The following C4orf50 variants were observed in gnomAD, a reference collection of about 807,000 sequenced individuals.
The protein encoded by C4orf50 is chromosome 4 open reading frame 50, also known as uncharacterized protein C4orf50.
Under a neutral mutation model 77.2 loss-of-function variants are expected in C4orf50, and 80 were observed. The observed-to-expected ratio is 1.04, with a 90% confidence interval of 0.87 to 1.25. The LOEUF is 1.25. Ranked by LOEUF, C4orf50 falls within the 50% of genes most tolerant of loss-of-function variation. The pLI is 0.00. For missense variants in C4orf50, 1,257 were observed against 1,152.9 expected, an observed-to-expected ratio of 1.09 and a Z score of -1.31; for synonymous variants, 532 against 465.3, an observed-to-expected ratio of 1.14 and a Z score of -1.84.
chr4:5,912,302 G>A (rs1048319481), intron 7 of C4orf50, among the ~76,000 whole-genome samples: 7 of 142,910 alleles, frequency 4.9e-5, no homozygotes, highest in African/African-American at 1.9e-4. Flanking sequence ...TGTATTTGGG[G>A]AAGACATACA....
At chr4:5,937,614 A>T (rs754803650) in intron 7 of C4orf50, among the ~76,000 whole-genome samples, 1 of 152,196 alleles carries the variant, frequency 6.6e-6, no homozygotes, top group African/African-American at 2.4e-5. Context: ...AATGGACTAA[A>T]CTTTCCATTT....
Position 5,970,015 on chromosome 4 carries a change from C to T in C4orf50, c.4105-2553G>A, listed in dbSNP as rs1008519925. On this transcript the variant is annotated intron_variant, in intron 31 of 33. Coordinates refer to ENST00000531445, the Ensembl canonical transcript of C4orf50. This position sits in a 1 kb window ranked among gnomAD's most constrained non-coding sequence, Gnocchi z 4.3. ...AGCCCCGGCAACCCTCTTCTCCTCTCCTTTGGTACCCGGGCCTCTGCCTCC... is the reference window on the plus strand; with the variant it reads ...AGCCCCGGCAACCCTCTTCTCCTCTTCTTTGGTACCCGGGCCTCTGCCTCC... Among the ~76,000 whole-genome samples the T allele has an allele frequency of 6.6e-6, 1 of 152,096 alleles. No homozygotes were observed. The highest frequency in any genetic ancestry group is 1.5e-5 in the Non-Finnish European group (1 of 68,024).
At chr4:6,004,289 GTGA>G (rs1560598970) in intron 25 of C4orf50, among the ~76,000 whole-genome samples, 58 of 54,464 alleles carry the variant, frequency 1.1e-3, no homozygotes, top group Admixed American at 1.4e-3. Context: ...GGTGATGTTG[GTGA>G]TGATGGTGAT....
rs776593106 is a variant in C4orf50 at position 5,919,188 on chromosome 4, G to T, written c.*2475-21000C>A. 9.2e-5 allele frequency among the ~76,000 whole-genome samples: 14 copies of T among 152,146 alleles called. No homozygotes were observed. The highest frequency in any genetic ancestry group is 2.1e-4 in the Non-Finnish European group (14 of 68,032). On this transcript the variant is annotated intron_variant, in intron 7 of 7. Transcript: ENST00000324058. The surrounding 1 kb of genome is among the most constrained non-coding windows in gnomAD (Gnocchi z 6.5). The stretch of plus-strand genomic sequence containing the variant: ...TCGCAGGACTCCTCTCTCATTCAGG[G>T]CCCCTGGCTGTGCCATTTCCGGAGC...
In C4orf50 at chr4:5,980,277, TGGAGCTGCTGGGCCCGCAGCCTG is replaced by T. The variant is rs763820101; in HGVS notation, c.3738_3760del (p.Arg1247SerfsTer36). Reference sequence around the variant, plus strand: ...GCACTGCAGGGTCAGCACCCGGTGATGGAGCTGCTGGGCCCGCAGCCTGGGATCCTCCTCAGTAACCTCGGCCT... The same window carrying T: ...GCACTGCAGGGTCAGCACCCGGTGATGGATCCTCCTCAGTAACCTCGGCCT... On this transcript the variant is annotated frameshift_variant, in exon 29 of 34. Coordinates refer to ENST00000531445, the Ensembl canonical transcript of C4orf50. LOFTEE classifies it high-confidence loss of function. The T allele has an allele frequency of 2.5e-6, 4 of 1,613,058 alleles. No individual in the cohort carries two copies. The highest frequency in any genetic ancestry group is 3.4e-6 in the Non-Finnish European group (4 of 1,179,600).
intron 7 of C4orf50, among the ~76,000 whole-genome samples, chr4:5,940,942 A>G (rs1169821275): frequency 6.6e-6 from 1 of 152,210 alleles, no homozygotes; most frequent in Non-Finnish European, 1.5e-5. Flanking sequence ...ATGGCCAGAC[A>G]CAAAGCCCTC....
chr4:5,906,520 A>G (rs1716557386), intron 7 of C4orf50, among the ~76,000 whole-genome samples: 1 of 152,132 alleles, frequency 6.6e-6, no homozygotes. Flanking sequence ...AGATTAATAA[A>G]CATATCTGAA....
rs187979602 is a variant in C4orf50, at chr4:6,006,936, C to T, written c.963+1060G>A. ...GGTACTGTTGTCACCTTTGGTGCTACAGGTAAAGTGGGAGAAGAGATGACT... is the reference window on the plus strand; with the variant it reads ...GGTACTGTTGTCACCTTTGGTGCTATAGGTAAAGTGGGAGAAGAGATGACT... On this transcript the variant is annotated intron_variant, in intron 25 of 33. Coordinates refer to ENST00000531445, the Ensembl canonical transcript of C4orf50. Among the ~76,000 whole-genome samples, 3 of 152,338 alleles carry T rather than the reference C, an allele frequency of 2.0e-5. No homozygotes were observed. The East Asian group carries it at 5.8e-4, about 29-fold the overall frequency.
chr4:5,980,450 T>C (rs1720520863), intron 28 of C4orf50, 112 bp from the exon 7 acceptor site: 4 of 946,660 alleles, frequency 4.2e-6, no homozygotes, highest in Non-Finnish European at 4.7e-6. Flanking sequence ...TTTGTTGTTG[T>C]TGTTTTCCTG....
intron 7 of C4orf50, among the ~76,000 whole-genome samples, chr4:5,938,939 T>C (rs1035283730): frequency 6.6e-6 from 1 of 152,188 alleles, no homozygotes; most frequent in African/African-American, 2.4e-5. Context: ...CTCTGCTTTT[T>C]TGATTTATGA....
At chr4:5,934,941 T>C (rs1485166096) in intron 7 of C4orf50, among the ~76,000 whole-genome samples, 2 of 152,294 alleles carry the variant, frequency 1.3e-5, no homozygotes, top group East Asian at 1.9e-4. Context: ...TCTGGCTGGG[T>C]GACCCCAAGC....
At chr4:6,001,721 G>A (rs879566494) in intron 25 of C4orf50, among the ~76,000 whole-genome samples, 5 of 152,236 alleles carry the variant, frequency 3.3e-5, no homozygotes, top group East Asian at 3.8e-4. Context: ...CAAGGACTGT[G>A]CTAGTGCTGG....
chr4:5,976,457 G>GAAAAAAAAAAA (rs138450804), intron 29 of C4orf50, among the ~76,000 whole-genome samples: 1 of 93,080 alleles, frequency 1.1e-5, no homozygotes, highest in Non-Finnish European at 1.9e-5. Flanking sequence ...CTCTGTCTCG[G>GAAAAAAAAAAA]AAAAAAAAAA....
rs1451372058 is a variant in C4orf50 at position 6,008,181 on chromosome 4, T to G, written c.778A>C (p.Ser260Arg). The G allele has an allele frequency of 5.8e-5, 23 of 398,302 alleles. No individual in the cohort carries two copies. The highest frequency in any genetic ancestry group is 4.4e-6 in the Non-Finnish European group (1 of 225,806). 24.7% of individuals were successfully genotyped at this position (398,302 alleles called of 1,614,324 possible). A position where few individuals can be genotyped will look rare whatever the true frequency, so the allele number is the denominator to read the frequency against. The change falls in exon 25 of 34, where the codon AGC becomes CGC. Residue 260 changes from serine to arginine, a missense_variant. Transcript: ENST00000531445. The surrounding 1 kb of genome is among the most constrained non-coding windows in gnomAD (Gnocchi z 6.0). ...TCGGTGGCCCGGTGCTCCTGCAGGC[T>G]GCGCGCCGCCTCTTCCCGCTCGCGC...
intron 30 of C4orf50, among the ~76,000 whole-genome samples, chr4:5,975,105 A>C (rs1720180736): frequency 7.5e-6 from 1 of 134,202 alleles, no homozygotes; most frequent in Non-Finnish European, 1.5e-5. Flanking sequence ...GTACCATTGC[A>C]CTCCAGCCTG....
rs1717817113 is a variant in C4orf50, at chr4:5,932,616, A to T, written c.*2474+24285T>A. Among the ~76,000 whole-genome samples, 1 of 151,956 alleles carries T rather than the reference A, an allele frequency of 6.6e-6. No homozygotes were observed. The highest frequency in any genetic ancestry group is 2.1e-4 in the South Asian group (1 of 4,814). ...ACGCCCAGCTAATTTTTATTTTTTA[A>T]TTTTTTATAGAGATGGAGTCCCCCT... On this transcript the variant is annotated intron_variant, in intron 7 of 7. Transcript: ENST00000324058. This position sits in a 1 kb window ranked among gnomAD's most constrained non-coding sequence, Gnocchi z 4.2.
At chr4:5,944,026 T>TCTGGCAGCCCC (rs2108752500) in intron 7 of C4orf50, among the ~76,000 whole-genome samples, 1 of 152,314 alleles carries the variant, frequency 6.6e-6, no homozygotes, top group East Asian at 1.9e-4. Context: ...TTGGGAGGCC[T>TCTGGCAGCCCC]CTGGCAGCCC....
chr4:5,906,741 T>C (rs1716565859), intron 7 of C4orf50, among the ~76,000 whole-genome samples: 1 of 152,202 alleles, frequency 6.6e-6, no homozygotes, highest in South Asian at 2.1e-4. Flanking sequence ...GCCAACCTAC[T>C]CAGGGCATTG....
At chr4:5,912,053 AAAAAAAC>A (rs1716829424) in intron 7 of C4orf50, among the ~76,000 whole-genome samples, 2 of 135,888 alleles carry the variant, frequency 1.5e-5, no homozygotes, top group South Asian at 2.6e-4. Context: ...CTTGCAAAAC[AAAAAAAC>A]AAAAAACAAA....
Sources: gnomAD v4.1 joint callset for allele counts (sites outside exome capture counted in the v4.1 genomes callset) on GRCh38, gnomAD v4.1.1 for gene constraint, Gnocchi (gnomAD v3.1) non-coding constraint, MANE v1.5 for transcripts, NCBI Gene and HGNC (gene_info 2026-07-23, HGNC 2026-07-21) for gene names.